CDCA7L: variants seen among roughly 807,000 people sequenced by gnomAD.
CDCA7L encodes the protein cell division cycle associated 7 like, also known as cell division cycle-associated 7-like protein.
CDCA7L carries 44 observed loss-of-function variants against 57.4 expected under a neutral mutation model. The observed-to-expected ratio is 0.77, with a 90% confidence interval of 0.60 to 0.98. The LOEUF (loss-of-function observed/expected upper bound fraction) is 0.98, where lower values mean the gene tolerates loss of function less well. CDCA7L is among the 50% of genes least tolerant of loss of function. The probability of loss-of-function intolerance (pLI) is 0.00; values close to 1 mark genes in which losing one functional copy is unlikely to be tolerated. For synonymous variants in CDCA7L, 236 were observed against 202.8 expected, an observed-to-expected ratio of 1.16 and a Z score of -1.39; for missense variants, 644 against 580.6, an observed-to-expected ratio of 1.11 and a Z score of -1.12.
Position 21,901,764 on chromosome 7 carries a change from G to GTAAGGCC in CDCA7L, c.*557_*558insGGCCTTA, listed in dbSNP as rs1784876860. On this transcript the variant is annotated 3_prime_UTR_variant, in exon 10 of 10. Transcript: ENST00000406877. Reference sequence around the variant, plus strand: ...GCTAGCACTCTGTAAGGCCTCCAGTGTCCAGTGTCTACAATGTTGATGGTC... The same window carrying GTAAGGCC: ...GCTAGCACTCTGTAAGGCCTCCAGTGTAAGGCCTCCAGTGTCTACAATGTTGATGGTC... 6.4e-5 allele frequency: 1 copy of GTAAGGCC among 15,638 alleles called. No homozygotes were observed. Among genetic ancestry groups the GTAAGGCC allele is most frequent in the Non-Finnish European group, 1.6e-3 (1 of 644 alleles). 1.0% of individuals were successfully genotyped at this position (15,638 alleles called of 1,614,324 possible).
At position 21,904,276 on chromosome 7, in the gene CDCA7L, G is replaced by C. The variant is rs1226441422; in HGVS notation, c.1048-17C>G. 6.3e-7 allele frequency: 1 copy of C among 1,581,488 alleles called. No individual in the cohort carries two copies. Among genetic ancestry groups the C allele is most frequent in the East Asian group, 2.2e-5 (1 of 44,518 alleles). The stretch of plus-strand genomic sequence containing the variant: ...CGTGTTACCCTACAGGGGGAAGGCA[G>C]TGAGCAGGTGAACACAGGGATATGC... On this transcript the variant is annotated splice_polypyrimidine_tract_variant and intron_variant, in intron 7 of 9. Transcript: ENST00000406877.
At chr7:21,920,828 G>T (rs1441225748) in intron 1 of CDCA7L, among the ~76,000 whole-genome samples, 3 of 152,218 alleles carry the variant, frequency 2.0e-5, no homozygotes, top group Non-Finnish European at 4.4e-5. Flanking sequence ...TTATGAAAGT[G>T]TGCCTATGTT....
At chr7:21,914,920 G>C (rs868242014) in intron 2 of CDCA7L, among the ~76,000 whole-genome samples, 1 of 152,172 alleles carries the variant, frequency 6.6e-6, no homozygotes, top group African/African-American at 2.4e-5. Context: ...CTTAATGCCC[G>C]GTGCCTGCCA....
At chr7:21,938,284 C>A (rs183204985) in intron 1 of CDCA7L, among the ~76,000 whole-genome samples, 13 of 151,904 alleles carry the variant, frequency 8.6e-5, no homozygotes, top group Middle Eastern at 3.4e-3. Context: ...GACCAACGGG[C>A]ACAAGAAAAA....
chr7:21,912,266 G>C (rs1030376870), intron 2 of CDCA7L, among the ~76,000 whole-genome samples: 3 of 152,104 alleles, frequency 2.0e-5, no homozygotes, highest in African/African-American at 7.2e-5. Context: ...TTGCACTCCA[G>C]CCGGGTGACA....
intron 3 of CDCA7L, among the ~76,000 whole-genome samples, chr7:21,909,826 C>A (rs150278866): frequency 1.6e-4 from 25 of 152,236 alleles, no homozygotes; most frequent in African/African-American, 5.8e-4. Context: ...ACACAGCAGC[C>A]CAGAATCAGA....
At position 21,905,636 on chromosome 7, in the gene CDCA7L, A is replaced by G. The variant is rs1439010269; in HGVS notation, c.922-5T>C. On this transcript the variant is annotated splice_polypyrimidine_tract_variant and splice_region_variant and intron_variant, in intron 6 of 9. Transcript: ENST00000406877. The stretch of plus-strand genomic sequence containing the variant: ...TCTGTACTCCCGGCATTTCCCCTGC[A>G]CAATGAACACAAGCAGAACATGGAG... The G allele has an allele frequency of 6.2e-7, 1 of 1,613,214 alleles. No individual in the cohort carries two copies. The highest frequency in any genetic ancestry group is 1.1e-5 in the South Asian group (1 of 90,978).
rs1784900342 is a variant in CDCA7L at position 21,902,018 on chromosome 7, C to A, written c.*304G>T. The A allele has an allele frequency of 2.6e-6, 1 of 387,128 alleles. No homozygotes were observed. Among genetic ancestry groups the A allele is most frequent in the Non-Finnish European group, 4.8e-6 (1 of 210,022 alleles). 24.0% of individuals were successfully genotyped at this position (387,128 alleles called of 1,614,324 possible). A position where few individuals can be genotyped will look rare whatever the true frequency, so the allele number is the denominator to read the frequency against. On this transcript the variant is annotated 3_prime_UTR_variant, in exon 10 of 10. Transcript: ENST00000406877. ...TGATCATACAATGTTTTCTCTCTAA[C>A]TTACTTACCTGAACTTTAACCCCAC...
At chr7:21,945,698 A>C in intron 1 of CDCA7L, 83 bp downstream of exon 1, 1 of 1,549,186 alleles carries the variant, frequency 6.5e-7, no homozygotes, top group Non-Finnish European at 8.8e-7. Context: ...CCACGTTTCC[A>C]GCCCAAGGCC....
chr7:21,902,235 G>GTAAAAAAATCTTTC lies in CDCA7L; in HGVS notation c.*73_*86dup, dbSNP rs1784920913. Reference sequence around the variant, plus strand: ...AGAATTTCTGTATAAAAACACAACTGTAAAAAAATCTTTCTTAGGCACCAA... The same window carrying GTAAAAAAATCTTTC: ...AGAATTTCTGTATAAAAACACAACTGTAAAAAAATCTTTCTAAAAAAATCTTTCTTAGGCACCAA... On this transcript the variant is annotated 3_prime_UTR_variant, in exon 10 of 10. Transcript: ENST00000406877. 1.8e-6 allele frequency: 2 copies of GTAAAAAAATCTTTC among 1,142,692 alleles called. No individual in the cohort carries two copies. Among genetic ancestry groups the GTAAAAAAATCTTTC allele is most frequent in the African/African-American group, 3.8e-5 (2 of 52,418 alleles). The allele number at this position is 1,142,692 out of a possible 1,614,324, so 70.8% of individuals were successfully genotyped here.
In CDCA7L at chr7:21,937,943, A is replaced by T. The variant is rs147120125; in HGVS notation, c.24+7838T>A. Among the ~76,000 whole-genome samples the T allele has an allele frequency of 1.6e-4, 25 of 152,338 alleles. 1 individual carries two copies. The East Asian group carries it at 4.8e-3, about 29-fold the overall frequency. ...AAAACTAACTCAAGATGGATCAAAG[A>T]TCTAAATATAAGAGCTAAAACTATA... On this transcript the variant is annotated intron_variant, in intron 1 of 9. Coordinates refer to ENST00000406877, the MANE Select transcript of CDCA7L (RefSeq NM_018719.5).
chr7:21,941,458 G>A (rs1166351656), intron 1 of CDCA7L, among the ~76,000 whole-genome samples: 3 of 152,186 alleles, frequency 2.0e-5, no homozygotes, highest in African/African-American at 7.2e-5. Flanking sequence ...CAGAGAAGTG[G>A]TTCAGTGCAG....
chr7:21,938,041 A>G (rs1444551387), intron 1 of CDCA7L, among the ~76,000 whole-genome samples: 2 of 152,234 alleles, frequency 1.3e-5, no homozygotes, highest in African/African-American at 4.8e-5. Context: ...GGATATGGCA[A>G]CAAAAGAAAA....
intron 4 of CDCA7L, among the ~76,000 whole-genome samples, chr7:21,907,695 G>C (rs974533848): frequency 2.0e-5 from 3 of 152,066 alleles, no homozygotes; most frequent in South Asian, 2.1e-4. Flanking sequence ...ACCAGTGCTG[G>C]TCACCATAGA....
In CDCA7L at chr7:21,943,147, T is replaced by C. The variant is rs1245594778; in HGVS notation, c.24+2634A>G. On this transcript the variant is annotated intron_variant, in intron 1 of 9. Transcript: ENST00000406877. ...TAGTCAGGGATCACACCCTTGCCTT[T>C]ACGAGCTATTTCTGTCATTTTATAT... 7.2e-5 allele frequency among the ~76,000 whole-genome samples: 11 copies of C among 152,308 alleles called. No individual in the cohort carries two copies. The East Asian group carries it at 1.9e-3, about 27-fold the overall frequency.
rs756377542 is a variant in CDCA7L at position 21,902,307 on chromosome 7, CTGTT to C, written c.*11_*14del. ...GTACTCTATGGTGAGGTGGCTGGTT[CTGTT>C]TGTTTTCCTCTTAATTGTCTTCTAC... On this transcript the variant is annotated 3_prime_UTR_variant, in exon 10 of 10. Transcript: ENST00000406877. 200 of 1,613,542 alleles carry C rather than the reference CTGTT, an allele frequency of 1.2e-4. No individual in the cohort carries two copies. The highest frequency in any genetic ancestry group is 8.8e-5 in the Non-Finnish European group (104 of 1,179,592).
chr7:21,915,289 G>C (rs1785443925), intron 2 of CDCA7L, among the ~76,000 whole-genome samples: 1 of 152,098 alleles, frequency 6.6e-6, no homozygotes, highest in Non-Finnish European at 1.5e-5. Context: ...CCAAGGGAAG[G>C]AGAAGTGAGT....
At chr7:21,906,676 T>C (rs966075499) in intron 4 of CDCA7L, 37 bp from the exon 5 acceptor site, 16 of 1,606,212 alleles carry the variant, frequency 1.0e-5, no homozygotes, top group African/African-American at 1.3e-5. Context: ...CTTACAAAAA[T>C]AGGGCTCCAG....
chr7:21,926,343 G>A (rs976781771), intron 1 of CDCA7L, among the ~76,000 whole-genome samples: 2 of 152,108 alleles, frequency 1.3e-5, no homozygotes, highest in African/African-American at 4.8e-5. Context: ...AGGACAGCAA[G>A]AAAGTGAAAA....
Sources: gnomAD v4.1 joint callset for allele counts (sites outside exome capture counted in the v4.1 genomes callset) on GRCh38, gnomAD v4.1.1 for gene constraint, MANE v1.5 for transcripts, NCBI Gene and HGNC (gene_info 2026-07-23, HGNC 2026-07-21) for gene names.